The following CELF2 variants were observed in gnomAD, a reference collection of about 807,000 sequenced individuals.
CELF2 encodes the protein CUGBP Elav-like family member 2.
CELF2 carries 8 observed loss-of-function variants against 62.6 expected under a neutral mutation model. The ratio of observed to expected loss-of-function variants is 0.13; its 90% CI spans 0.07 to 0.23. The LOEUF is 0.23. Among genes scored for constraint, CELF2 ranks in the 10% least tolerant of loss-of-function variants. The probability of loss-of-function intolerance (pLI) is 1.00; values close to 1 mark genes in which losing one functional copy is unlikely to be tolerated. For synonymous variants in CELF2, 258 were observed against 250.0 expected (o/e 1.03, Z -0.30); for missense variants, 333 against 671.0 (o/e 0.50, Z 5.56).
chr10:10,505,885 C>T, the CELF2 span, among the ~76,000 whole-genome samples: 1 of 152,184 alleles, frequency 6.6e-6, no homozygotes, highest in Non-Finnish European at 1.5e-5. Context: ...GACTTCAGCT[C>T]TATATCTGGG....
intron 9 of CELF2, among the ~76,000 whole-genome samples, chr10:11,288,753 T>C (rs2091951944): frequency 6.6e-6 from 1 of 152,202 alleles, no homozygotes; most frequent in Non-Finnish European, 1.5e-5. Flanking sequence ...CCATGGATAA[T>C]ATGCAAAAAA....
In CELF2 at chr10:11,046,741, C is replaced by T. The variant is rs2062926431; in HGVS notation, c.74+28578C>T. The stretch of plus-strand genomic sequence containing the variant: ...ACCTCCCAAAGAGTTTTTGTAAATC[C>T]CATGTCTTTAATCTCATTTCGCTAT... On this transcript the variant is annotated intron_variant, in intron 1 of 12. Transcript: ENST00000633077. This position sits in a 1 kb window ranked among gnomAD's most constrained non-coding sequence, Gnocchi z 4.6. Among the ~76,000 whole-genome samples the T allele has an allele frequency of 1.3e-5, 2 of 152,152 alleles. No individual in the cohort carries two copies. The highest frequency in any genetic ancestry group is 1.3e-4 in the Admixed American group (2 of 15,278).
At chr10:11,266,117 T>G (rs888760714) in intron 5 of CELF2, among the ~76,000 whole-genome samples, 2 of 152,234 alleles carry the variant, frequency 1.3e-5, no homozygotes, top group Non-Finnish European at 2.9e-5. Flanking sequence ...CATTTTGAGC[T>G]CTTGAAATTT....
chr10:10,538,769 C>T, the CELF2 span, among the ~76,000 whole-genome samples: 1 of 152,158 alleles, frequency 6.6e-6, no homozygotes, highest in Non-Finnish European at 1.5e-5. Flanking sequence ...AGGAGGCCAC[C>T]GTACTGACTA....
At chr10:11,320,522 A>C (rs2095374119) in intron 10 of CELF2, among the ~76,000 whole-genome samples, 1 of 152,240 alleles carries the variant, frequency 6.6e-6, no homozygotes, top group South Asian at 2.1e-4. Flanking sequence ...GGAAGGGTCC[A>C]CATGGCTTCT....
chr10:11,043,388 C>G (rs1463864278), intron 1 of CELF2, among the ~76,000 whole-genome samples: 1 of 152,190 alleles, frequency 6.6e-6, no homozygotes, highest in East Asian at 1.9e-4. Flanking sequence ...TCTGGAATTA[C>G]TTATATTCAT....
chr10:10,503,600 A>G, the CELF2 span, among the ~76,000 whole-genome samples: 1 of 151,900 alleles, frequency 6.6e-6, no homozygotes, highest in Non-Finnish European at 1.5e-5. Context: ...AGCTGCTTAT[A>G]CCATTATGTT....
the CELF2 span, among the ~76,000 whole-genome samples, chr10:10,497,151 C>T: frequency 1.2e-4 from 18 of 150,488 alleles, no homozygotes; most frequent in South Asian, 4.2e-4. Context: ...CGCCACTGCA[C>T]TCCAGCTTGG....
At chr10:10,965,102 T>C (rs1429549113) in intron 2 of CELF2, among the ~76,000 whole-genome samples, 2 of 152,216 alleles carry the variant, frequency 1.3e-5, no homozygotes, top group African/African-American at 2.4e-5. Flanking sequence ...TCGTTTCTCA[T>C]TTGCTAGAAG....
intron 1 of CELF2, among the ~76,000 whole-genome samples, chr10:10,806,216 T>TA (rs2055215349): frequency 6.6e-6 from 1 of 150,944 alleles, no homozygotes; most frequent in Non-Finnish European, 1.5e-5. Context: ...TTTTTTTTTT[T>TA]TTCTTTTGAG....
At chr10:10,614,133 T>C in the CELF2 span, among the ~76,000 whole-genome samples, 1 of 151,496 alleles carries the variant, frequency 6.6e-6, no homozygotes, top group African/African-American at 2.4e-5. Context: ...AGACTGGGCT[T>C]GTGTTTCTCG....
the CELF2 span, among the ~76,000 whole-genome samples, chr10:10,564,960 A>AGATCAG: frequency 3.9e-5 from 6 of 152,342 alleles, no homozygotes; most frequent in East Asian, 1.2e-3. Flanking sequence ...TGACTCCATG[A>AGATCAG]GATCAGGATT....
At chr10:10,718,865 C>T in the CELF2 span, among the ~76,000 whole-genome samples, 1 of 151,964 alleles carries the variant, frequency 6.6e-6, no homozygotes, top group Non-Finnish European at 1.5e-5. Context: ...GTTCTTGAGC[C>T]CAAATATTTT....
rs181172301 is a variant in CELF2 at position 11,211,579 on chromosome 10, T to C, written c.272-5846T>C. On this transcript the variant is annotated intron_variant, in intron 2 of 12. Coordinates refer to ENST00000633077, the MANE Select transcript of CELF2 (RefSeq NM_001326342.2). The surrounding 1 kb of genome is among the most constrained non-coding windows in gnomAD (Gnocchi z 4.8). ...CTTTATATATCAGTACATTTTTTTT[T>C]CCTGTGAGTATTATTACCCAGAGTT... Among the ~76,000 whole-genome samples the C allele has an allele frequency of 4.2e-3, 643 of 152,344 alleles. 1 individual carries two copies. Among genetic ancestry groups the C allele is most frequent in the Non-Finnish European group, 7.4e-3 (505 of 68,024 alleles).
rs543178318 is a variant in CELF2, at chr10:11,302,015, C to G, written c.977-12124C>G. On this transcript the variant is annotated intron_variant, in intron 9 of 12. Transcript: ENST00000633077. This position sits in a 1 kb window ranked among gnomAD's most constrained non-coding sequence, Gnocchi z 5.0. ...CGCTCAGCAGATGCCAGCTCAGTGC[C>G]CGCTGCACCAGTGATTCTCATAGTT... Among the ~76,000 whole-genome samples, 274 of 152,310 alleles carry G rather than the reference C, an allele frequency of 1.8e-3. 3 individuals are homozygous for G. Among genetic ancestry groups the G allele is most frequent in the African/African-American group, 6.3e-3 (263 of 41,584 alleles).
the CELF2 span, among the ~76,000 whole-genome samples, chr10:10,666,506 G>A: frequency 6.6e-6 from 1 of 152,174 alleles, no homozygotes; most frequent in Non-Finnish European, 1.5e-5. Flanking sequence ...AAGGAGAGAA[G>A]GCCCTGAAAT....
At chr10:10,558,454 C>T in the CELF2 span, among the ~76,000 whole-genome samples, 8 of 152,064 alleles carry the variant, frequency 5.3e-5, no homozygotes, top group Non-Finnish European at 1.2e-4. Flanking sequence ...TTATTGAGGA[C>T]TTTTGCATCA....
At chr10:11,266,545 T>G in intron 5 of CELF2, 53 bp from the exon 6 acceptor site, 3 of 1,442,388 alleles carry the variant, frequency 2.1e-6, no homozygotes, top group South Asian at 1.1e-5. Flanking sequence ...GTCCAACCCT[T>G]TTGTCTTGTT....
At chr10:11,226,231 G>C (rs1371144064) in intron 3 of CELF2, among the ~76,000 whole-genome samples, 1 of 152,214 alleles carries the variant, frequency 6.6e-6, no homozygotes, top group Admixed American at 6.5e-5. Flanking sequence ...TTACTGACAA[G>C]GAAGCTGAAA....
Sources: allele counts gnomAD v4.1 joint callset (sites outside exome capture counted in the v4.1 genomes callset), GRCh38; gene constraint gnomAD v4.1.1; non-coding constraint Gnocchi (gnomAD v3.1); transcripts MANE v1.5; gene names NCBI Gene and HGNC (gene_info 2026-07-23, HGNC 2026-07-21).